NTM: variants seen among roughly 807,000 people sequenced by gnomAD.
NTM encodes the protein neurotrimin, also known as IgLON family member 2.
Under a neutral mutation model 42.1 loss-of-function variants are expected in NTM, and 13 were observed. That is an observed-to-expected ratio of 0.31 (90% confidence interval 0.20 to 0.49). NTM has a LOEUF of 0.49. Among genes scored for constraint, NTM ranks in the 20% least tolerant of loss-of-function variants. NTM has a pLI of 0.99. For synonymous variants in NTM, 187 were observed against 179.2 expected, an observed-to-expected ratio of 1.04 and a Z score of -0.35; for missense variants, 373 against 452.8, an observed-to-expected ratio of 0.82 and a Z score of 1.60.
chr11:131,408,433 C>G (rs1267391484), intron 1 of NTM, among the ~76,000 whole-genome samples: 3 of 152,138 alleles, frequency 2.0e-5, no homozygotes, highest in African/African-American at 7.2e-5. Flanking sequence ...CTAGAAGGTG[C>G]TAACATTTGA....
rs7126705 is a variant in NTM, at chr11:131,986,732, C to G, written c.167+75084C>G. On this transcript the variant is annotated intron_variant, in intron 2 of 8. Coordinates refer to ENST00000683400, the MANE Select transcript of NTM (RefSeq NM_001352005.2). Reference sequence around the variant, plus strand: ...TTAGGAATATAACCTCCATGAGGGCCAGAGATTTTTACAGTTTTCATTTAG... The same window carrying G: ...TTAGGAATATAACCTCCATGAGGGCGAGAGATTTTTACAGTTTTCATTTAG... Among the ~76,000 whole-genome samples, 685 of 152,178 alleles carry G rather than the reference C, an allele frequency of 4.5e-3. 9 individuals are homozygous for G. Among genetic ancestry groups the G allele is most frequent in the African/African-American group, 0.015 (643 of 41,524 alleles).
chr11:131,379,325 A>T (rs1942362802), intron 1 of NTM, among the ~76,000 whole-genome samples: 1 of 152,204 alleles, frequency 6.6e-6, no homozygotes, highest in Non-Finnish European at 1.5e-5. Context: ...TTTCAGGAAG[A>T]CAGGAGGATG....
chr11:132,298,195 T>C (rs1054807218), intron 4 of NTM, among the ~76,000 whole-genome samples: 5 of 152,188 alleles, frequency 3.3e-5, no homozygotes, highest in Admixed American at 6.5e-5. Context: ...TCTCCAGTGA[T>C]TTAGAAAAAG....
At chr11:132,170,724 G>A (rs1047866386) in intron 3 of NTM, among the ~76,000 whole-genome samples, 10 of 152,138 alleles carry the variant, frequency 6.6e-5, no homozygotes, top group Admixed American at 5.9e-4. Flanking sequence ...TTTATTGTGA[G>A]GGGGAATTGA....
chr11:132,179,171 C>T (rs1435288496), intron 3 of NTM, among the ~76,000 whole-genome samples: 4 of 151,988 alleles, frequency 2.6e-5, no homozygotes, highest in Non-Finnish European at 2.9e-5. Flanking sequence ...GCTGGGGAAA[C>T]AAAAAAGAGG....
chr11:132,211,270 G>A (rs976436051), intron 3 of NTM, among the ~76,000 whole-genome samples: 6 of 152,170 alleles, frequency 3.9e-5, no homozygotes, highest in African/African-American at 1.4e-4. Flanking sequence ...ACAAGGAATG[G>A]CGGCACATGC....
intron 1 of NTM, among the ~76,000 whole-genome samples, chr11:131,453,605 C>T (rs1162540304): frequency 1.3e-5 from 2 of 152,068 alleles, no homozygotes; most frequent in Admixed American, 1.3e-4. Flanking sequence ...ATTAGCAAGT[C>T]CACAAGGAGC....
At chr11:131,519,933 T>C (rs1232403997) in intron 1 of NTM, among the ~76,000 whole-genome samples, 1 of 150,834 alleles carries the variant, frequency 6.6e-6, no homozygotes, top group South Asian at 2.1e-4. Context: ...TCTTTAGTTT[T>C]ATTTCTTGGT....
intron 1 of NTM, among the ~76,000 whole-genome samples, chr11:131,788,249 T>G (rs2089591993): frequency 6.6e-6 from 1 of 152,120 alleles, no homozygotes; most frequent in South Asian, 2.1e-4. Context: ...CTTCTTACTG[T>G]TAGTTTTTTA....
At chr11:131,500,834 C>T (rs1163233240) in intron 1 of NTM, among the ~76,000 whole-genome samples, 3 of 146,884 alleles carry the variant, frequency 2.0e-5, no homozygotes, top group South Asian at 2.2e-4. Flanking sequence ...TGAGAACATG[C>T]GGTGTTTGGT....
chr11:131,864,922 C>CAG (rs2046985388), intron 1 of NTM, among the ~76,000 whole-genome samples: 1 of 152,200 alleles, frequency 6.6e-6, no homozygotes, highest in African/African-American at 2.4e-5. Context: ...AACTGACAGT[C>CAG]GACTGAGCCA....
intron 3 of NTM, among the ~76,000 whole-genome samples, chr11:132,174,800 T>C (rs2076567346): frequency 1.3e-5 from 2 of 152,170 alleles, no homozygotes. Flanking sequence ...ATTCAACGCC[T>C]CAGAGTTCAT....
At chr11:131,524,512 G>C (rs1215123833) in intron 1 of NTM, among the ~76,000 whole-genome samples, 1 of 152,232 alleles carries the variant, frequency 6.6e-6, no homozygotes, top group African/African-American at 2.4e-5. Context: ...CCAGGGTCAT[G>C]CTCTAGAAAG....
intron 1 of NTM, among the ~76,000 whole-genome samples, chr11:131,835,140 G>T (rs1462216299): frequency 1.3e-5 from 2 of 152,174 alleles, no homozygotes; most frequent in African/African-American, 4.8e-5. Flanking sequence ...GGAGATGGTA[G>T]ATACCAATTA....
At chr11:131,520,729 C>T (rs371877686) in intron 1 of NTM, among the ~76,000 whole-genome samples, 1 of 146,794 alleles carries the variant, frequency 6.8e-6, no homozygotes, top group South Asian at 2.2e-4. Flanking sequence ...GACTTAGAAG[C>T]TTTATATGTA....
intron 1 of NTM, among the ~76,000 whole-genome samples, chr11:131,505,030 G>T (rs541761431): frequency 1.1e-4 from 17 of 152,070 alleles, no homozygotes; most frequent in Non-Finnish European, 2.1e-4. Flanking sequence ...ACCACAGTGG[G>T]GTATACTGCA....
rs537330988 is a variant in NTM at position 132,018,700 on chromosome 11, T to C, written c.167+107052T>C. On this transcript the variant is annotated intron_variant, in intron 2 of 8. Transcript: ENST00000683400. ...ATCTGTATTTTTATTCCTTATGTTT[T>C]TGGGCTTTAATATTGGATGACCCTA... Among the ~76,000 whole-genome samples the C allele has an allele frequency of 1.6e-3, 239 of 152,152 alleles. No individual in the cohort carries two copies. In the Middle Eastern group the frequency reaches 0.024, roughly 15 times the overall value.
chr11:131,704,391 G>A (rs972417259), intron 1 of NTM, among the ~76,000 whole-genome samples: 1 of 152,158 alleles, frequency 6.6e-6, no homozygotes, highest in African/African-American at 2.4e-5. Context: ...CCCAGACACA[G>A]CCCCCTCCAG....
At chr11:131,768,631 A>G (rs1271869268) in intron 1 of NTM, among the ~76,000 whole-genome samples, 1 of 152,176 alleles carries the variant, frequency 6.6e-6, no homozygotes, top group East Asian at 1.9e-4. Flanking sequence ...TGCCTAGAGA[A>G]ACTTCAGCTA....
Sources: gnomAD v4.1 joint callset for allele counts (sites outside exome capture counted in the v4.1 genomes callset) on GRCh38, gnomAD v4.1.1 for gene constraint, MANE v1.5 for transcripts, NCBI Gene and HGNC (gene_info 2026-07-23, HGNC 2026-07-21) for gene names.